Variants in SPARCL1 observed in about 807,000 individuals in gnomAD.
SPARCL1 encodes SPARC like 1.
In SPARCL1, 52 loss-of-function variants were observed where a neutral mutation model predicts 67.1. That is an observed-to-expected ratio of 0.78 (90% CI 0.62 to 0.98). The LOEUF (loss-of-function observed/expected upper bound fraction) is 0.98, where lower values mean the gene tolerates loss of function less well. Ranked by LOEUF, SPARCL1 falls within the 50% of genes least tolerant of loss-of-function variation. The pLI is 0.00. For synonymous variants in SPARCL1, 226 were observed against 267.8 expected (o/e 0.84, Z 1.52); for missense variants, 717 against 782.4 (o/e 0.92, Z 1.00).
At chr4:87,523,942 C>G (rs965900781) in intron 1 of SPARCL1, among the ~76,000 whole-genome samples, 1 of 152,126 alleles carries the variant, frequency 6.6e-6, no homozygotes, top group African/African-American at 2.4e-5. Flanking sequence ...TGATTAATGA[C>G]CATTTTCATA....
chr4:87,510,128 C>T (rs1725285966), intron 1 of SPARCL1, among the ~76,000 whole-genome samples: 1 of 152,118 alleles, frequency 6.6e-6, no homozygotes, highest in Admixed American at 6.5e-5. Flanking sequence ...AAACTCATCA[C>T]TTCATAATTA....
chr4:87,494,961 A>G lies in SPARCL1; in HGVS notation c.201+20T>C. 1 of 1,578,064 alleles carries G rather than the reference A, an allele frequency of 6.3e-7. No individual in the cohort carries two copies. Among genetic ancestry groups the G allele is most frequent in the Non-Finnish European group, 8.6e-7 (1 of 1,163,884 alleles). On this transcript the variant is annotated intron_variant, in intron 3 of 10. Transcript: ENST00000282470. ...TGGAGAATTAAAAAATTGTATTAATATAAATGATGTTACTTTTACCTTATG... is the reference window on the plus strand; with the variant it reads ...TGGAGAATTAAAAAATTGTATTAATGTAAATGATGTTACTTTTACCTTATG...
chr4:87,483,026 C>T (rs1723895929), intron 7 of SPARCL1, among the ~76,000 whole-genome samples: 1 of 150,712 alleles, frequency 6.6e-6, no homozygotes, highest in Non-Finnish European at 1.5e-5. Context: ...AAGTCCAATA[C>T]AAGTTGGCAG....
chr4:87,523,984 C>T (rs1217584001), intron 1 of SPARCL1, among the ~76,000 whole-genome samples: 1 of 152,136 alleles, frequency 6.6e-6, no homozygotes, highest in African/African-American at 2.4e-5. Flanking sequence ...GAGCTCAGCC[C>T]CTCTCTAGTT....
At chr4:87,473,922 T>A in intron 10 of SPARCL1, 119 bp from the exon 11 acceptor site, 1 of 633,838 alleles carries the variant, frequency 1.6e-6, no homozygotes, top group Non-Finnish European at 2.7e-6. Flanking sequence ...ATGGTGATCC[T>A]CAACTTTGGT....
chr4:87,473,708 G>A lies in SPARCL1; in HGVS notation c.*67C>T. On this transcript the variant is annotated 3_prime_UTR_variant, in exon 11 of 11. Coordinates refer to ENST00000282470, the MANE Select transcript of SPARCL1 (RefSeq NM_004684.6). ...ATATAAATCTACAAGTATCACAGCT[G>A]CATATATTTCTGAAGTGGTTAGAAC... is the stretch of plus-strand genomic sequence containing the variant. The A allele has an allele frequency of 3.6e-6, 4 of 1,099,320 alleles. No individual in the cohort carries two copies. Among genetic ancestry groups the A allele is most frequent in the Admixed American group, 4.4e-5 (2 of 45,750 alleles). 68.1% of individuals were successfully genotyped at this position (1,099,320 alleles called of 1,614,324 possible). A position where few individuals can be genotyped will look rare whatever the true frequency, so the allele number is the denominator to read the frequency against.
At chr4:87,480,031 C>CT (rs35136104) in intron 9 of SPARCL1, among the ~76,000 whole-genome samples, 170 of 145,324 alleles carry the variant, frequency 1.2e-3, no homozygotes, top group Admixed American at 4.2e-3. Flanking sequence ...TTCACAGCAG[C>CT]TTTTTTTTTT....
At chr4:87,497,208 G>T (rs1432204139) in intron 2 of SPARCL1, 14 of 985,160 alleles carry the variant, frequency 1.4e-5, no homozygotes, top group African/African-American at 1.7e-5. Context: ...ATTAGGTTTG[G>T]TTTGCTCCTT....
chr4:87,518,300 G>T (rs948109788), intron 1 of SPARCL1, among the ~76,000 whole-genome samples: 7 of 152,152 alleles, frequency 4.6e-5, no homozygotes, highest in Middle Eastern at 3.2e-3. Context: ...CATGGGAAAA[G>T]ACTTTTCCCC....
intron 1 of SPARCL1, among the ~76,000 whole-genome samples, 183 bp downstream of exon 1, chr4:87,528,862 A>G (rs1432046625): frequency 1.3e-5 from 2 of 152,220 alleles, no homozygotes; most frequent in African/African-American, 4.8e-5. Flanking sequence ...AGGAAACAAG[A>G]AAACATGAAT....
intron 7 of SPARCL1, among the ~76,000 whole-genome samples, chr4:87,489,020 C>T (rs565486210): frequency 2.8e-4 from 42 of 152,228 alleles, no homozygotes; most frequent in Non-Finnish European, 5.4e-4. Flanking sequence ...TCTTAGCTTG[C>T]TGGGCTCTGT....
At chr4:87,482,100 G>T (rs577971736) in intron 8 of SPARCL1, among the ~76,000 whole-genome samples, 132 of 152,264 alleles carry the variant, frequency 8.7e-4, no homozygotes, top group Non-Finnish European at 1.7e-3. Flanking sequence ...CAAATGCTTA[G>T]ATTTAAATAA....
At position 87,495,605 on chromosome 4, in the gene SPARCL1, G is replaced by A. The variant is rs118167943; in HGVS notation, c.55-478C>T. ...ATCAATATTTATTTGATTTCTTAACGCCATTGGCCTTAACGTTGGTCAGGA... is the reference window on the plus strand; with the variant it reads ...ATCAATATTTATTTGATTTCTTAACACCATTGGCCTTAACGTTGGTCAGGA... On this transcript the variant is annotated intron_variant, in intron 2 of 10. Coordinates refer to ENST00000282470, the MANE Select transcript of SPARCL1 (RefSeq NM_004684.6). Among the ~76,000 whole-genome samples the A allele has an allele frequency of 6.4e-3, 966 of 152,080 alleles. 18 individuals carry two copies. The highest frequency in any genetic ancestry group is 6.8e-3 in the East Asian group (35 of 5,174).
intron 7 of SPARCL1, 62 bp from the exon 8 acceptor site, chr4:87,482,622 C>T (rs1723876637): frequency 3.2e-6 from 5 of 1,580,320 alleles, no homozygotes; most frequent in Non-Finnish European, 3.5e-6. Flanking sequence ...GGCAAGTCCT[C>T]ATAATAGGAA....
chr4:87,479,839 T>C (rs1340218046), intron 9 of SPARCL1, among the ~76,000 whole-genome samples: 1 of 152,230 alleles, frequency 6.6e-6, no homozygotes, highest in African/African-American at 2.4e-5. Flanking sequence ...AGCAGTCATG[T>C]TGGTACAACC....
intron 1 of SPARCL1, among the ~76,000 whole-genome samples, chr4:87,502,067 G>A (rs1388206608): frequency 1.3e-5 from 2 of 151,324 alleles, no homozygotes; most frequent in African/African-American, 4.9e-5. Context: ...GCCCCCTAAA[G>A]TGCTAGGATT....
At chr4:87,509,544 G>A (rs1028021557) in intron 1 of SPARCL1, among the ~76,000 whole-genome samples, 1 of 152,204 alleles carries the variant, frequency 6.6e-6, no homozygotes, top group Non-Finnish European at 1.5e-5. Context: ...TTCTCACACA[G>A]CTAGATGTAC....
At chr4:87,496,908 C>G (rs2110232628) in intron 2 of SPARCL1, among the ~76,000 whole-genome samples, 1 of 152,312 alleles carries the variant, frequency 6.6e-6, no homozygotes, top group Admixed American at 6.5e-5. Flanking sequence ...GAGTCTCACT[C>G]TGTTGCCCAG....
In SPARCL1 at chr4:87,497,924, T is replaced by A. The variant is rs142035798; in HGVS notation, c.54+1597A>T. Reference sequence around the variant, plus strand: ...CACATGCCATGGCAGCTGGCTAATTTTTTATTTATTTTTTTGTAGAGACGT... The same window carrying A: ...CACATGCCATGGCAGCTGGCTAATTATTTATTTATTTTTTTGTAGAGACGT... On this transcript the variant is annotated intron_variant, in intron 2 of 10. Coordinates refer to ENST00000282470, the MANE Select transcript of SPARCL1 (RefSeq NM_004684.6). Among the ~76,000 whole-genome samples the A allele has an allele frequency of 4.2e-3, 640 of 152,202 alleles. 7 individuals carry two copies. Among genetic ancestry groups the A allele is most frequent in the South Asian group, 0.023 (113 of 4,810 alleles).
Sources: allele counts gnomAD v4.1 joint callset (sites outside exome capture counted in the v4.1 genomes callset), GRCh38; gene constraint gnomAD v4.1.1; transcripts MANE v1.5; gene names NCBI Gene and HGNC (gene_info 2026-07-23, HGNC 2026-07-21).